TMEM144: variants seen among roughly 807,000 people sequenced by gnomAD.
The protein encoded by TMEM144 is transmembrane protein 144.
In TMEM144, 39 loss-of-function variants were observed where a neutral mutation model predicts 43.6. That is an observed-to-expected ratio of 0.90 (90% CI 0.69 to 1.17). TMEM144 has a LOEUF of 1.17. TMEM144 is among the 50% of genes most tolerant of loss of function. The pLI, the probability that TMEM144 is intolerant of heterozygous loss-of-function variation, is 0.00. For missense variants in TMEM144, 417 were observed against 411.9 expected (o/e 1.01, Z -0.11); for synonymous variants, 154 against 133.6 (o/e 1.15, Z -1.06).
chr4:158,244,406 G>T, intron 12 of TMEM144, 57 bp downstream of exon 12: 2 of 1,438,850 alleles, frequency 1.4e-6, no homozygotes, highest in South Asian at 1.2e-5. Flanking sequence ...CGGGCGTGGT[G>T]GCTCACGCTT....
chr4:158,248,047 T>C (rs916417973), intron 12 of TMEM144, among the ~76,000 whole-genome samples: 2 of 9,424 alleles, frequency 2.1e-4, no homozygotes, highest in African/African-American at 3.3e-4. Context: ...TTTGCTCTTT[T>C]CTGTTTTAAA....
intron 2 of TMEM144, chr4:158,212,359 A>AT (rs1018348943): frequency 6.9e-5 from 14 of 203,070 alleles, no homozygotes; most frequent in East Asian, 2.4e-4. Flanking sequence ...ACACAGGAGA[A>AT]TTTTTTTTGT....
rs1482455439 is a variant in TMEM144 at position 158,212,708 on chromosome 4, C to A, written c.41C>A (p.Ser14Tyr). 6.2e-7 allele frequency: 1 copy of A among 1,613,760 alleles called. No homozygotes were observed. The highest frequency in any genetic ancestry group is 1.7e-5 in the Admixed American group (1 of 59,992). ...NGADLTFGYI[S>Y]CFVAILLFGS... Reference sequence around the variant, plus strand: ...GCAGACCTAACCTTTGGTTACATCTCCTGTTTTGTAGCTATCCTTTTGTTT... The same window carrying A: ...GCAGACCTAACCTTTGGTTACATCTACTGTTTTGTAGCTATCCTTTTGTTT... The change falls in exon 3 of 13, where the codon TCC becomes TAC. Residue 14 changes from serine to tyrosine, a missense_variant. Coordinates refer to ENST00000296529, the MANE Select transcript of TMEM144 (RefSeq NM_018342.5).
At position 158,217,307 on chromosome 4, in the gene TMEM144, T is replaced by G. The variant is rs975364862; in HGVS notation, c.233-14T>G. 6.7e-7 allele frequency: 1 copy of G among 1,503,052 alleles called. No individual in the cohort carries two copies. Among genetic ancestry groups the G allele is most frequent in the Non-Finnish European group, 9.2e-7 (1 of 1,081,448 alleles). The allele number at this position is 1,503,052 out of a possible 1,614,324, so 93.1% of individuals were successfully genotyped here. A position where few individuals can be genotyped will look rare whatever the true frequency, so the allele number is the denominator to read the frequency against. On this transcript the variant is annotated splice_polypyrimidine_tract_variant and intron_variant, in intron 4 of 12. Transcript: ENST00000296529. ...ATGGAAATAACATGTTTCTTCTGTA[T>G]ATTACATCTACAGGGAACATTGCTG...
chr4:158,231,904 A>G lies in TMEM144; in HGVS notation c.414-997A>G, dbSNP rs147596009. Among the ~76,000 whole-genome samples the G allele has an allele frequency of 6.9e-3, 1,047 of 152,360 alleles. 8 individuals carry two copies. The highest frequency in any genetic ancestry group is 0.024 in the African/African-American group (987 of 41,576). On this transcript the variant is annotated intron_variant, in intron 6 of 12. Coordinates refer to ENST00000296529, the MANE Select transcript of TMEM144 (RefSeq NM_018342.5). ...TTAAAGCAAGTAAGAGATTGAACAAAGAAACCTAACTAGAGCATTTTAATT... is the reference window on the plus strand; with the variant it reads ...TTAAAGCAAGTAAGAGATTGAACAAGGAAACCTAACTAGAGCATTTTAATT...
At chr4:158,230,132 G>C (rs976161130) in intron 6 of TMEM144, among the ~76,000 whole-genome samples, 5 of 152,360 alleles carry the variant, frequency 3.3e-5, no homozygotes, top group African/African-American at 1.2e-4. Context: ...TTGCAAGTGG[G>C]ATCTTCCAAT....
rs563177939 is a variant in TMEM144, at chr4:158,237,776, T to C, written c.682+133T>C. On this transcript the variant is annotated intron_variant, in intron 9 of 12. Coordinates refer to ENST00000296529, the MANE Select transcript of TMEM144 (RefSeq NM_018342.5). ...TTGTAAGTGGCGAATTAGAAAGGCA[T>C]TGAACACCAAAAATAATAAAGGATT... 11 of 597,188 alleles carry C rather than the reference T, an allele frequency of 1.8e-5. No homozygotes were observed. The African/African-American group carries it at 2.1e-4, about 11-fold the overall frequency. The allele number at this position is 597,188 out of a possible 1,614,324, so 37.0% of individuals were successfully genotyped here.
chr4:158,227,938 C>A (rs1734857586), intron 6 of TMEM144, among the ~76,000 whole-genome samples: 1 of 152,136 alleles, frequency 6.6e-6, no homozygotes, highest in South Asian at 2.1e-4. Flanking sequence ...GTCAGCTTAT[C>A]TGTGCCTGAC....
At chr4:158,219,023 G>A (rs529417602) in intron 5 of TMEM144, among the ~76,000 whole-genome samples, 2 of 152,230 alleles carry the variant, frequency 1.3e-5, no homozygotes, top group South Asian at 4.1e-4. Context: ...TGAGGCAGGA[G>A]AATAGGTTGA....
At chr4:158,251,778 C>A (rs563020044) in intron 12 of TMEM144, among the ~76,000 whole-genome samples, 1 of 152,286 alleles carries the variant, frequency 6.6e-6, no homozygotes, top group Non-Finnish European at 1.5e-5. Flanking sequence ...TATTCCACCC[C>A]TCGGCTAAAG....
intron 6 of TMEM144, among the ~76,000 whole-genome samples, chr4:158,229,314 C>T (rs1003890529): frequency 4.6e-5 from 7 of 152,154 alleles, no homozygotes; most frequent in East Asian, 3.9e-4. Context: ...GGTTTGCTCC[C>T]GCGCTTAGAG....
In TMEM144 at chr4:158,212,644, AG is replaced by A. The variant is rs1734013655; in HGVS notation, c.-23del. 3 of 1,551,764 alleles carry A rather than the reference AG, an allele frequency of 1.9e-6. No individual in the cohort carries two copies. In the African/African-American group the frequency reaches 4.1e-5, roughly 21 times the overall value. On this transcript the variant is annotated 5_prime_UTR_variant, in exon 3 of 13. Transcript: ENST00000296529. Reference sequence around the variant, plus strand: ...AAGTACATCAAGTCTAAAGTGAACCAGCTAACTCATTAAGACTGGAATCATG... The same window carrying A: ...AAGTACATCAAGTCTAAAGTGAACCACTAACTCATTAAGACTGGAATCATG...
At position 158,253,621 on chromosome 4, in the gene TMEM144, T is replaced by G. The variant is rs775918185; in HGVS notation, c.*94T>G. 4.0e-6 allele frequency: 4 copies of G among 996,360 alleles called. No individual in the cohort carries two copies. The highest frequency in any genetic ancestry group is 6.1e-6 in the Non-Finnish European group (4 of 657,248). 61.7% of individuals were successfully genotyped at this position (996,360 alleles called of 1,614,324 possible). A position where few individuals can be genotyped will look rare whatever the true frequency, so the allele number is the denominator to read the frequency against. ...GCTGAGAAAAGAGTGCATTTTCATA[T>G]AGCAAATGGATCTCAGCCACTGTTG... is the stretch of plus-strand genomic sequence containing the variant. On this transcript the variant is annotated 3_prime_UTR_variant, in exon 13 of 13. Transcript: ENST00000296529.
At position 158,225,416 on chromosome 4, in the gene TMEM144, A is replaced by G. The variant is rs563672815; in HGVS notation, c.413+6026A>G. Among the ~76,000 whole-genome samples the G allele has an allele frequency of 3.9e-5, 6 of 152,348 alleles. No individual in the cohort carries two copies. In the South Asian group the frequency reaches 6.2e-4, roughly 16 times the overall value. ...TGGTTGTAATAGATGTAGTTTATCT[A>G]AACTACATTTTTATTAACTGTCACC... is the stretch of plus-strand genomic sequence containing the variant. On this transcript the variant is annotated intron_variant, in intron 6 of 12. Coordinates refer to ENST00000296529, the MANE Select transcript of TMEM144 (RefSeq NM_018342.5).
Position 158,237,635 on chromosome 4 carries a change from G to C in TMEM144, c.674G>C (p.Ser225Thr). 1 of 1,602,360 alleles carries C rather than the reference G, an allele frequency of 6.2e-7. No individual in the cohort carries two copies. Among genetic ancestry groups the C allele is most frequent in the Non-Finnish European group, 8.5e-7 (1 of 1,171,394 alleles). Reference sequence around the variant, plus strand: ...AATGATAGTATATATGCAGGGGCAAGCCAATATGGTGAGAATAAAAAGTTA... The same window carrying C: ...AATGATAGTATATATGCAGGGGCAACCCAATATGGTGAGAATAAAAAGTTA... The part of the protein sequence containing the change: ...KRNDSIYAGA[S>T]QYDLDYVFAH... Residue 225 changes from serine (S) to threonine (T), a missense_variant, in exon 9 of 13, where the codon AGC (serine) becomes ACC (threonine). By Grantham distance (58) the Ser-to-Thr change is moderately conservative (BLOSUM62 1). Transcript: ENST00000296529.
At chr4:158,245,978 C>T (rs1203716562) in intron 12 of TMEM144, among the ~76,000 whole-genome samples, 1 of 151,938 alleles carries the variant, frequency 6.6e-6, no homozygotes, top group African/African-American at 2.4e-5. Flanking sequence ...CTCACAAAAT[C>T]AGAGAACTTC....
At chr4:158,253,340 C>T (rs531531886) in intron 12 of TMEM144, 104 bp from the exon 13 acceptor site, 70 of 911,274 alleles carry the variant, frequency 7.7e-5, no homozygotes, top group Admixed American at 1.4e-4. Flanking sequence ...AGGGTACAGG[C>T]GGCTAGAGCA....
chr4:158,233,058 C>A, intron 7 of TMEM144, 76 bp downstream of exon 7: 3 of 1,173,740 alleles, frequency 2.6e-6, no homozygotes, highest in South Asian at 1.5e-5. Context: ...ATTTTAAACA[C>A]AGATGAAAAA....
In TMEM144 at chr4:158,212,672, G is replaced by T. The variant is rs1303433373; in HGVS notation, c.5G>T (p.Ser2Ile). M[S>I]NNGADLTFGY... ...TAACTCATTAAGACTGGAATCATGA[G>T]CAACAATGGAGCAGACCTAACCTTT... The change falls in exon 3 of 13, where the codon AGC becomes ATC. Residue 2 changes from serine (S) to isoleucine (I), a missense_variant. Physicochemically the swap from Ser to Ile is moderately radical, Grantham distance 142. Coordinates refer to ENST00000296529, the MANE Select transcript of TMEM144 (RefSeq NM_018342.5). The T allele has an allele frequency of 6.2e-7, 1 of 1,607,400 alleles. No individual in the cohort carries two copies. Among genetic ancestry groups the T allele is most frequent in the African/African-American group, 1.3e-5 (1 of 74,616 alleles).
Sources: allele counts gnomAD v4.1 joint callset (sites outside exome capture counted in the v4.1 genomes callset), GRCh38; gene constraint gnomAD v4.1.1; transcripts MANE v1.5; gene names NCBI Gene and HGNC (gene_info 2026-07-23, HGNC 2026-07-21).